HABP2: variants seen among roughly 807,000 people sequenced by gnomAD.
HABP2 encodes hyaluronan binding protein 2, also known as factor VII-activating protease.
Under a neutral mutation model 66.5 loss-of-function variants are expected in HABP2, and 65 were observed. The ratio of observed to expected loss-of-function variants is 0.98; its 90% CI spans 0.80 to 1.20. The LOEUF (loss-of-function observed/expected upper bound fraction) is 1.20, where lower values mean the gene tolerates loss of function less well. Among genes scored for constraint, HABP2 ranks in the 50% most tolerant of loss-of-function variants. HABP2 has a pLI of 0.00. For synonymous variants in HABP2, 263 were observed against 253.9 expected (o/e 1.04, Z -0.34); for missense variants, 786 against 691.0 (o/e 1.14, Z -1.54).
intron 4 of HABP2, 137 bp from the exon 5 acceptor site, chr10:113,577,013 C>T (rs1845423896): frequency 1.1e-5 from 7 of 663,024 alleles, no homozygotes; most frequent in Middle Eastern, 2.5e-4. Context: ...CTTGTCCTGG[C>T]ATAGCCCAGT....
chr10:113,584,065 C>A, intron 10 of HABP2, 83 bp from the exon 11 acceptor site: 1 of 1,242,626 alleles, frequency 8.0e-7, no homozygotes, highest in Non-Finnish European at 1.2e-6. Flanking sequence ...TTGCTGTGGC[C>A]ACCTTCATGA....
Position 113,589,408 on chromosome 10 carries a change from T to TTGA in HABP2, c.*1042_*1044dup. ...CAGCCTGGGCTGCCCTGGCCCGGGATTGATGTAGCCCCGGTAGGTTTGCCT... is the reference window on the plus strand; with the variant it reads ...CAGCCTGGGCTGCCCTGGCCCGGGATTGATGATGTAGCCCCGGTAGGTTTGCCT... On this transcript the variant is annotated 3_prime_UTR_variant, in exon 13 of 13. Coordinates refer to ENST00000351270, the MANE Select transcript of HABP2 (RefSeq NM_004132.5). 3 of 578,714 alleles carry TTGA rather than the reference T, an allele frequency of 5.2e-6. No homozygotes were observed. Among genetic ancestry groups the TTGA allele is most frequent in the Non-Finnish European group, 6.1e-6 (2 of 328,400 alleles). The allele number at this position is 578,714 out of a possible 1,614,324, so 35.8% of individuals were successfully genotyped here.
chr10:113,561,519 G>A (rs963087134), intron 1 of HABP2, among the ~76,000 whole-genome samples: 7 of 152,112 alleles, frequency 4.6e-5, no homozygotes, highest in Non-Finnish European at 4.4e-5. Flanking sequence ...TGGGAGTAAC[G>A]CACCTCCCTG....
intron 1 of HABP2, among the ~76,000 whole-genome samples, chr10:113,567,068 T>A (rs1449529116): frequency 6.6e-6 from 1 of 152,018 alleles, no homozygotes; most frequent in African/African-American, 2.4e-5. Context: ...GACCTCCGAG[T>A]CCAAATTTTC....
At chr10:113,583,457 GT>G (rs1187341441) in intron 10 of HABP2, 99 bp downstream of exon 10, 35 of 1,095,240 alleles carry the variant, frequency 3.2e-5, no homozygotes, top group African/African-American at 3.1e-4. Flanking sequence ...GCTCTTGATT[GT>G]TTTTGGTCCC....
At chr10:113,563,593 G>T (rs1227538224) in intron 1 of HABP2, among the ~76,000 whole-genome samples, 1 of 151,706 alleles carries the variant, frequency 6.6e-6, no homozygotes, top group Non-Finnish European at 1.5e-5. Context: ...CTTTCTTTTT[G>T]TTTGGTTTCC....
intron 1 of HABP2, among the ~76,000 whole-genome samples, chr10:113,561,752 G>A (rs145134608): frequency 2.6e-5 from 4 of 152,070 alleles, no homozygotes; most frequent in African/African-American, 9.7e-5. Context: ...ACGAATTTCT[G>A]GAACACATCA....
rs766426497 is a variant in HABP2, at chr10:113,567,462, G to A, written c.70-27G>A. 1.9e-6 allele frequency: 3 copies of A among 1,600,688 alleles called. No homozygotes were observed. The African/African-American group carries it at 4.0e-5, about 21-fold the overall frequency. On this transcript the variant is annotated intron_variant, in intron 1 of 12. Transcript: ENST00000351270. ...CCCGGCAGAGCTCCATCTCAACGCT[G>A]ATCTGCTGTGTTGTTTTGTTTTTCA...
rs1845485972 is a variant in HABP2, at chr10:113,579,808, A to G, written c.741-787A>G. Among the ~76,000 whole-genome samples the G allele has an allele frequency of 2.0e-5, 3 of 148,568 alleles. No individual in the cohort carries two copies. In the South Asian group the frequency reaches 6.4e-4, roughly 32 times the overall value. The stretch of plus-strand genomic sequence containing the variant: ...TTTTGTTTTTGTTTTTTTGAGATGG[A>G]GTCTCACTCTGTCACCCAGGCTAGA... On this transcript the variant is annotated intron_variant, in intron 7 of 12. Coordinates refer to ENST00000351270, the MANE Select transcript of HABP2 (RefSeq NM_004132.5).
Position 113,588,891 on chromosome 10 carries a change from C to T in HABP2, c.*522C>T. 9.8e-7 allele frequency: 1 copy of T among 1,020,378 alleles called. No homozygotes were observed. The highest frequency in any genetic ancestry group is 1.5e-6 in the Non-Finnish European group (1 of 655,520). 63.2% of individuals were successfully genotyped at this position (1,020,378 alleles called of 1,614,324 possible). ...GGGATGGGCTGGTGGGCCATTCCAG[C>T]TTGCCGAAATCAAAGCCATCTGAAG... On this transcript the variant is annotated 3_prime_UTR_variant, in exon 13 of 13. Coordinates refer to ENST00000351270, the MANE Select transcript of HABP2 (RefSeq NM_004132.5).
intron 9 of HABP2, among the ~76,000 whole-genome samples, chr10:113,582,671 A>G (rs1181389035): frequency 6.6e-6 from 1 of 152,146 alleles, no homozygotes; most frequent in Non-Finnish European, 1.5e-5. Flanking sequence ...ATCACCAATG[A>G]CCCTTCTGAG....
chr10:113,572,153 G>T (rs1244425291), intron 2 of HABP2, among the ~76,000 whole-genome samples: 1 of 152,246 alleles, frequency 6.6e-6, no homozygotes, highest in East Asian at 1.9e-4. Flanking sequence ...TGAGGCCCAT[G>T]GGCCCTAGAG....
rs759355214 is a variant in HABP2 at position 113,574,407 on chromosome 10, T to A, written c.223+2T>A. 3.5e-6 allele frequency: 5 copies of A among 1,425,342 alleles called. No individual in the cohort carries two copies. The South Asian group carries it at 5.7e-5, about 16-fold the overall frequency. 88.3% of individuals were successfully genotyped at this position (1,425,342 alleles called of 1,614,324 possible). On this transcript the variant is annotated splice_donor_variant, in intron 3 of 12. Transcript: ENST00000351270. LOFTEE classifies it high-confidence loss of function. ...GGTACTACACTGAGGACCAAGCTGG[T>A]AGGTACCAAATCTCTTTCAGGGACT...
Position 113,583,307 on chromosome 10 carries a change from T to G in HABP2, c.1186T>G (p.Phe396Val), listed in dbSNP as rs779036754. Residue 396 changes from phenylalanine (F) to valine (V), a missense_variant, in exon 10 of 13, where the codon TTC becomes GTC. Transcript: ENST00000351270. Reference protein sequence around the residue: ...HEQSFRVEKIFKYSHYNERDE... With the variant: ...HEQSFRVEKIVKYSHYNERDE... ...GCAGAGCTTTAGGGTGGAGAAGATA[T>G]TCAAGTACAGCCACTACAATGAAAG... The G allele has an allele frequency of 1.9e-6, 3 of 1,612,202 alleles. No homozygotes were observed. In the Admixed American group the frequency reaches 5.0e-5, roughly 27 times the overall value.
Position 113,589,084 on chromosome 10 carries a change from T to C in HABP2, c.*715T>C, listed in dbSNP as rs375706125. 1 of 1,612,986 alleles carries C rather than the reference T, an allele frequency of 6.2e-7. No individual in the cohort carries two copies. On this transcript the variant is annotated 3_prime_UTR_variant, in exon 13 of 13. Transcript: ENST00000351270. ...CTCCACTGCTTCTGCCCCCCGCTGC[T>C]GAAATCAAACATACCCCAAGTTAAA...
chr10:113,570,987 C>T (rs1845296983), intron 2 of HABP2, among the ~76,000 whole-genome samples: 1 of 152,228 alleles, frequency 6.6e-6, no homozygotes, highest in Non-Finnish European at 1.5e-5. Context: ...TTAAAACTCT[C>T]CAGCCAACTG....
chr10:113,579,831 A>G lies in HABP2; in HGVS notation c.741-764A>G, dbSNP rs184803348. ...GGAGTCTCACTCTGTCACCCAGGCT[A>G]GAGTGCAGTGGCACCATCTCAGCTC... is the stretch of plus-strand genomic sequence containing the variant. On this transcript the variant is annotated intron_variant, in intron 7 of 12. Transcript: ENST00000351270. 2.7e-3 allele frequency among the ~76,000 whole-genome samples: 414 copies of G among 151,304 alleles called. 5 individuals are homozygous for G. Among genetic ancestry groups the G allele is most frequent in the Admixed American group, 0.025 (382 of 15,190 alleles).
chr10:113,551,337 T>C (rs962408873), upstream of HABP2, among the ~76,000 whole-genome samples: 1 of 152,206 alleles, frequency 6.6e-6, no homozygotes, highest in East Asian at 1.9e-4. Flanking sequence ...AAAGAAGAAA[T>C]GCATGCAGGG....
At position 113,588,874 on chromosome 10, in the gene HABP2, C is replaced by T; in HGVS notation, c.*505C>T. On this transcript the variant is annotated 3_prime_UTR_variant, in exon 13 of 13. Transcript: ENST00000351270. ...TTAATAAAGGAAGATCTGGGATGGG[C>T]TGGTGGGCCATTCCAGCTTGCCGAA... The T allele has an allele frequency of 3.7e-6, 3 of 805,070 alleles. No individual in the cohort carries two copies. The South Asian group carries it at 4.6e-5, about 12-fold the overall frequency. The allele number at this position is 805,070 out of a possible 1,614,324, so 49.9% of individuals were successfully genotyped here. A position where few individuals can be genotyped will look rare whatever the true frequency, so the allele number is the denominator to read the frequency against.
Sources: allele counts gnomAD v4.1 joint callset (sites outside exome capture counted in the v4.1 genomes callset), GRCh38; gene constraint gnomAD v4.1.1; transcripts MANE v1.5; gene names NCBI Gene and HGNC (gene_info 2026-07-23, HGNC 2026-07-21).